CCBE1: variants seen among roughly 807,000 people sequenced by gnomAD.
CCBE1 encodes the protein collagen and calcium binding EGF domains 1.
A neutral mutation model predicts 50.0 loss-of-function variants in CCBE1; 37 were observed. The observed-to-expected ratio is 0.74, with a 90% CI of 0.57 to 0.97. The LOEUF is 0.97. Ranked by LOEUF, CCBE1 falls within the 50% of genes least tolerant of loss-of-function variation. The pLI is 0.00. For synonymous variants in CCBE1, 234 were observed against 203.7 expected (o/e 1.15, Z -1.27); for missense variants, 538 against 523.8 (o/e 1.03, Z -0.26).
intron 2 of CCBE1, among the ~76,000 whole-genome samples, chr18:59,571,253 T>A (rs1380222398): frequency 6.6e-6 from 1 of 152,152 alleles, no homozygotes; most frequent in Non-Finnish European, 1.5e-5. Flanking sequence ...TTCTTGCTTT[T>A]AAAAAAATTA....
intron 2 of CCBE1, among the ~76,000 whole-genome samples, chr18:59,595,114 C>CAAAAAAAAAAAAAAAAAAAAAA (rs546035209): frequency 6.8e-5 from 5 of 73,576 alleles, no homozygotes; most frequent in African/African-American, 2.2e-4. Flanking sequence ...GACTCTGTCT[C>CAAAAAAAAAAAAAAAAAAAAAA]AAAAAAAAAA....
upstream of CCBE1, chr18:59,697,552 G>T: frequency 1.6e-6 from 1 of 635,068 alleles, no homozygotes; most frequent in Non-Finnish European, 2.6e-6. Flanking sequence ...TGCAAACCCA[G>T]CAGAGAAGCA....
intron 7 of CCBE1, among the ~76,000 whole-genome samples, chr18:59,443,817 T>C (rs936410067): frequency 6.6e-6 from 1 of 152,202 alleles, no homozygotes; most frequent in Admixed American, 6.5e-5. Context: ...CTAAGTATAT[T>C]CCCATTGTTG....
At chr18:59,447,853 G>T in intron 7 of CCBE1, 130 bp downstream of exon 7, 1 of 1,393,746 alleles carries the variant, frequency 7.2e-7, no homozygotes, top group Non-Finnish European at 1.0e-6. Context: ...GTGTGTGGCA[G>T]TCCCATGGAC....
chr18:59,511,791 C>G (rs889004012), intron 2 of CCBE1, among the ~76,000 whole-genome samples: 1 of 152,182 alleles, frequency 6.6e-6, no homozygotes, highest in African/African-American at 2.4e-5. Flanking sequence ...GAGCACAACT[C>G]TACCCACTCT....
intron 4 of CCBE1, 42 bp downstream of exon 4, chr18:59,469,429 AGG>A (rs779871153): frequency 2.4e-5 from 38 of 1,612,416 alleles, no homozygotes; most frequent in Non-Finnish European, 3.1e-5. Context: ...CATCTGAACA[AGG>A]CACATGTTCA....
rs1489867792 is a variant in CCBE1 at position 59,616,953 on chromosome 18, T to G, written c.212+79676A>C. Among the ~76,000 whole-genome samples the G allele has an allele frequency of 5.5e-4, 84 of 152,146 alleles. 1 individual carries two copies. The highest frequency in any genetic ancestry group is 5.4e-3 in the Admixed American group (83 of 15,274). ...TGGGAAGGATACTGCCTGTCATGCC[T>G]GCTTCACAGGGTTGCCATGAGCCAC... On this transcript the variant is annotated intron_variant, in intron 2 of 10. Transcript: ENST00000439986.
intron 2 of CCBE1, among the ~76,000 whole-genome samples, chr18:59,600,311 T>C (rs2053412638): frequency 6.6e-6 from 1 of 151,936 alleles, no homozygotes; most frequent in Admixed American, 6.6e-5. Flanking sequence ...TGCATGGTGA[T>C]CTGTCACTGT....
At chr18:59,645,206 A>G (rs1203709406) in intron 2 of CCBE1, among the ~76,000 whole-genome samples, 2 of 151,194 alleles carry the variant, frequency 1.3e-5, no homozygotes, top group East Asian at 3.9e-4. Flanking sequence ...TCCAGCCTGG[A>G]AACAGAACGA....
At chr18:59,562,341 CA>C (rs2052751750) in intron 2 of CCBE1, among the ~76,000 whole-genome samples, 1 of 152,128 alleles carries the variant, frequency 6.6e-6, no homozygotes, top group Non-Finnish European at 1.5e-5. Context: ...AGAAATTTAG[CA>C]ATGTGAATCA....
chr18:59,551,061 GAAAA>G (rs1213502876), intron 2 of CCBE1, among the ~76,000 whole-genome samples: 7 of 115,032 alleles, frequency 6.1e-5, no homozygotes, highest in Non-Finnish European at 2.0e-5. Context: ...AAAGAAAAAA[GAAAA>G]ATAAAAATAC....
intron 7 of CCBE1, among the ~76,000 whole-genome samples, chr18:59,444,229 G>A (rs952687658): frequency 1.8e-4 from 28 of 152,196 alleles, no homozygotes; most frequent in Admixed American, 1.6e-3. Flanking sequence ...ATGAAGATGC[G>A]TGTGTGAGTA....
chr18:59,642,817 T>C (rs1014425741), intron 2 of CCBE1, among the ~76,000 whole-genome samples: 7 of 151,554 alleles, frequency 4.6e-5, no homozygotes, highest in Admixed American at 4.6e-4. Context: ...GGCGTGATGG[T>C]AGGTGCCTGT....
chr18:59,536,591 A>G (rs1915257639), intron 2 of CCBE1, among the ~76,000 whole-genome samples: 2 of 152,224 alleles, frequency 1.3e-5, no homozygotes, highest in African/African-American at 4.8e-5. Flanking sequence ...GCAACTTGGC[A>G]ATGGTCATAG....
chr18:59,593,896 C>T (rs1346247326), intron 2 of CCBE1, among the ~76,000 whole-genome samples: 6 of 152,342 alleles, frequency 3.9e-5, no homozygotes, highest in African/African-American at 1.2e-4. Context: ...AGGAACTGCA[C>T]GGGGTCCATA....
chr18:59,485,824 C>T (rs907174007), intron 2 of CCBE1, among the ~76,000 whole-genome samples: 2 of 151,930 alleles, frequency 1.3e-5, no homozygotes, highest in African/African-American at 4.8e-5. Context: ...TGGTCTCGAA[C>T]TCCTGACCTC....
At chr18:59,586,397 A>G (rs1042831883) in intron 2 of CCBE1, among the ~76,000 whole-genome samples, 2 of 152,256 alleles carry the variant, frequency 1.3e-5, no homozygotes, top group Admixed American at 6.5e-5. Flanking sequence ...ATAGAAAAAC[A>G]TAATGGTGAG....
At chr18:59,552,662 A>C (rs1599006731) in intron 2 of CCBE1, among the ~76,000 whole-genome samples, 1 of 152,232 alleles carries the variant, frequency 6.6e-6, no homozygotes, top group Non-Finnish European at 1.5e-5. Context: ...TACTGTGGGA[A>C]GTAGTCTAAA....
At chr18:59,650,904 G>A (rs1381304448) in intron 2 of CCBE1, among the ~76,000 whole-genome samples, 1 of 151,846 alleles carries the variant, frequency 6.6e-6, no homozygotes, top group Non-Finnish European at 1.5e-5. Context: ...TTCCTGGCCT[G>A]TATGCCAGGG....
Sources: gnomAD v4.1 joint callset for allele counts (sites outside exome capture counted in the v4.1 genomes callset) on GRCh38, gnomAD v4.1.1 for gene constraint, MANE v1.5 for transcripts, NCBI Gene and HGNC (gene_info 2026-07-23, HGNC 2026-07-21) for gene names.